The following UNC13C variants were observed in gnomAD, a reference collection of about 807,000 sequenced individuals.
UNC13C encodes the protein unc-13 homolog C.
A neutral mutation model predicts 245.4 loss-of-function variants in UNC13C; 174 were observed. The ratio of observed to expected loss-of-function variants is 0.71; its 90% CI spans 0.63 to 0.80. UNC13C has a LOEUF of 0.80. Among genes scored for constraint, UNC13C ranks in the 30% least tolerant of loss-of-function variants. UNC13C has a pLI of 0.00. For missense variants in UNC13C, 2,829 were observed against 2,602.9 expected (o/e 1.09, Z -1.89); for synonymous variants, 992 against 895.1 (o/e 1.11, Z -1.93).
intron 2 of UNC13C, among the ~76,000 whole-genome samples, chr15:54,086,448 A>C (rs1899242773): frequency 6.6e-6 from 1 of 152,182 alleles, no homozygotes; most frequent in Non-Finnish European, 1.5e-5. Flanking sequence ...ATTTTTCAGC[A>C]AAATGATAAA....
chr15:54,547,350 A>G lies in UNC13C; in HGVS notation c.5820+505A>G, dbSNP rs78856234. Among the ~76,000 whole-genome samples, 1,430 of 152,286 alleles carry G rather than the reference A, an allele frequency of 9.4e-3. 27 individuals are homozygous for G. The highest frequency in any genetic ancestry group is 0.033 in the African/African-American group (1,373 of 41,558). ...AAATGTGATTGTATCACACAAAGAA[A>G]AAGGAAAAGAACCAGAAAGATCAAT... On this transcript the variant is annotated intron_variant, in intron 27 of 32. Transcript: ENST00000260323.
At chr15:54,507,822 AT>A (rs1391800978) in intron 23 of UNC13C, among the ~76,000 whole-genome samples, 1 of 151,820 alleles carries the variant, frequency 6.6e-6, no homozygotes, top group East Asian at 1.9e-4. Context: ...CATTGGCAGC[AT>A]TGTAAACATT....
intron 4 of UNC13C, among the ~76,000 whole-genome samples, chr15:54,233,290 C>G (rs562307178): frequency 2.0e-5 from 3 of 152,080 alleles, no homozygotes; most frequent in Non-Finnish European, 4.4e-5. Context: ...TGAACACATT[C>G]TCTTCAGTTC....
At chr15:54,631,157 T>G (rs1460895960), downstream of UNC13C, 1 of 151,860 alleles carries the variant, frequency 6.6e-6, no homozygotes, top group Non-Finnish European at 1.5e-5. Flanking sequence ...ACCAGCCTAG[T>G]CAACGTGGCA....
intron 13 of UNC13C, among the ~76,000 whole-genome samples, chr15:54,311,403 A>C (rs2037869363): frequency 6.6e-6 from 1 of 151,760 alleles, no homozygotes; most frequent in Non-Finnish European, 1.5e-5. Context: ...TTTCCTTTCA[A>C]TCAAACAACA....
intron 17 of UNC13C, among the ~76,000 whole-genome samples, chr15:54,386,644 CTTG>C (rs1314512844): frequency 6.6e-6 from 1 of 152,168 alleles, no homozygotes; most frequent in African/African-American, 2.4e-5. Context: ...GCCTCCTGCA[CTTG>C]TTGATGCAGA....
intron 2 of UNC13C, among the ~76,000 whole-genome samples, chr15:54,055,966 A>G (rs1235311537): frequency 6.6e-6 from 1 of 152,204 alleles, no homozygotes; most frequent in African/African-American, 2.4e-5. Flanking sequence ...GATACCTTCC[A>G]TTAGCTTCTG....
At chr15:54,293,831 CTAACA>C (rs2037362980) in intron 10 of UNC13C, 59 bp from the exon 11 acceptor site, 1 of 1,326,172 alleles carries the variant, frequency 7.5e-7, no homozygotes, top group Admixed American at 3.2e-5. Flanking sequence ...AAATAAAGTA[CTAACA>C]TCAAATGGAA....
chr15:54,470,256 C>CA (rs1418906471), intron 19 of UNC13C, among the ~76,000 whole-genome samples: 1 of 151,464 alleles, frequency 6.6e-6, no homozygotes, highest in African/African-American at 2.4e-5. Context: ...TAATGCTAGA[C>CA]TATGAAATGT....
At chr15:54,509,378 C>T (rs1482337996) in intron 23 of UNC13C, among the ~76,000 whole-genome samples, 1 of 152,080 alleles carries the variant, frequency 6.6e-6, no homozygotes, top group Non-Finnish European at 1.5e-5. Flanking sequence ...CAAAATATAG[C>T]AAGACATCAC....
intron 4 of UNC13C, among the ~76,000 whole-genome samples, chr15:54,146,510 C>T (rs1406927903): frequency 6.6e-6 from 1 of 152,180 alleles, no homozygotes; most frequent in Non-Finnish European, 1.5e-5. Context: ...CCAGAAAAGA[C>T]ATGGCAAATG....
At chr15:54,060,688 A>G (rs1347098800) in intron 2 of UNC13C, among the ~76,000 whole-genome samples, 5 of 152,118 alleles carry the variant, frequency 3.3e-5, no homozygotes, top group Non-Finnish European at 7.4e-5. Flanking sequence ...TTGCGGCACT[A>G]TTCACAATAG....
chr15:54,484,123 C>A (rs546906866), intron 19 of UNC13C, among the ~76,000 whole-genome samples: 1 of 123,080 alleles, frequency 8.1e-6, no homozygotes, highest in East Asian at 2.4e-4. Flanking sequence ...TGATTAGCTA[C>A]ACAGTTTTCT....
chr15:54,157,231 G>A (rs1309908276), intron 4 of UNC13C, among the ~76,000 whole-genome samples: 1 of 152,200 alleles, frequency 6.6e-6, no homozygotes, highest in African/African-American at 2.4e-5. Context: ...ACATGATAAT[G>A]TGATACACTG....
chr15:54,250,767 T>TCTTTCTTTC (rs1596084194), intron 8 of UNC13C, among the ~76,000 whole-genome samples: 4 of 135,490 alleles, frequency 3.0e-5, no homozygotes, highest in African/African-American at 8.4e-5. Flanking sequence ...TTTTTTTTTT[T>TCTTTCTTTC]TTTTTTTGAG....
rs147568033 is a variant in UNC13C at position 54,077,326 on chromosome 15, C to T, written c.2983+61440C>T. Among the ~76,000 whole-genome samples the T allele has an allele frequency of 1.7e-3, 247 of 144,126 alleles. 3 individuals carry two copies. Among genetic ancestry groups the T allele is most frequent in the Admixed American group, 0.015 (220 of 14,598 alleles). The allele number at this position is 144,126 out of a possible 152,430, so 94.6% of individuals were successfully genotyped here. ...GTATTTCTTCAGCAAGATTTTCATT[C>T]TTAAAACATCTATTTCTTTTTTATT... is the stretch of plus-strand genomic sequence containing the variant. On this transcript the variant is annotated intron_variant, in intron 2 of 32. Transcript: ENST00000260323.
the UNC13C span, among the ~76,000 whole-genome samples, chr15:53,846,202 C>T: frequency 2.6e-5 from 4 of 152,130 alleles, no homozygotes; most frequent in Admixed American, 6.6e-5. Flanking sequence ...TTTATTGAGG[C>T]ATAACCCCAT....
Position 54,297,792 on chromosome 15 carries a change from T to G in UNC13C, c.3989-19T>G. 2 of 1,537,212 alleles carry G rather than the reference T, an allele frequency of 1.3e-6. No individual in the cohort carries two copies. Among genetic ancestry groups the G allele is most frequent in the South Asian group, 2.3e-5 (2 of 86,074 alleles). On this transcript the variant is annotated intron_variant, in intron 11 of 32. Transcript: ENST00000260323. ...TTATTGTCAGACATGACTGACCAATTGCCTTTTTGCTTTATCAGAGAAAAG... is the reference window on the plus strand; with the variant it reads ...TTATTGTCAGACATGACTGACCAATGGCCTTTTTGCTTTATCAGAGAAAAG...
intron 17 of UNC13C, among the ~76,000 whole-genome samples, chr15:54,384,575 A>T (rs906098076): frequency 6.6e-6 from 1 of 152,140 alleles, no homozygotes; most frequent in African/African-American, 2.4e-5. Context: ...ATTCTTCAGG[A>T]TATTGGTCTT....
Sources: allele counts gnomAD v4.1 joint callset (sites outside exome capture counted in the v4.1 genomes callset), GRCh38; gene constraint gnomAD v4.1.1; transcripts MANE v1.5; gene names NCBI Gene and HGNC (gene_info 2026-07-23, HGNC 2026-07-21).